The following SYNE1 variants were observed in gnomAD, a reference collection of about 807,000 sequenced individuals.
The protein encoded by SYNE1 is nesprin-1.
In SYNE1, 616 loss-of-function variants were observed where a neutral mutation model predicts 1,111.0. The observed-to-expected ratio is 0.55, with a 90% CI of 0.52 to 0.59. The LOEUF (loss-of-function observed/expected upper bound fraction) is 0.59, where lower values mean the gene tolerates loss of function less well. SYNE1 is among the 20% of genes least tolerant of loss of function. The pLI is 0.00. For synonymous variants in SYNE1, 3,855 were observed against 3,825.8 expected (o/e 1.01, Z -0.28); for missense variants, 10,006 against 10,417.0 (o/e 0.96, Z 1.72).
At chr6:152,455,832 C>A in intron 23 of SYNE1, 54 bp downstream of exon 23, 2 of 1,612,266 alleles carry the variant, frequency 1.2e-6, no homozygotes, top group East Asian at 2.2e-5. Context: ...GGTTTCTTGT[C>A]CTCACTCTGC....
chr6:152,546,956 TAAAAGAAAAG>T (rs542226834), intron 3 of SYNE1: 3 of 151,694 alleles, frequency 2.0e-5, no homozygotes, highest in Non-Finnish European at 4.4e-5. Context: ...AAAATACAGC[TAAAAGAAAAG>T]AAAAGAAAAG....
chr6:152,449,585 T>C lies in SYNE1; in HGVS notation c.3452A>G (p.Lys1151Arg). Residue 1151 changes from lysine to arginine, a missense_variant, in exon 28 of 146, where the codon AAG becomes AGG. Physicochemically the swap from Lys to Arg is conservative, Grantham distance 26 (BLOSUM62 2). This residue lies in a region of SYNE1 where 1,971 missense variants were observed against 2,084.1 expected (regional missense o/e 0.95). Coordinates refer to ENST00000367255, the MANE Select transcript of SYNE1 (RefSeq NM_182961.4). Reference protein sequence around the residue: ...STNETQLKGIKGEAIDTANHG... With the variant: ...STNETQLKGIRGEAIDTANHG... ...GTTGGCAGTATCGATGGCCTCACCC[T>C]TGATCCCCTTTAATTGTGTCTCATT... 1 of 1,614,166 alleles carries C rather than the reference T, an allele frequency of 6.2e-7. No individual in the cohort carries two copies.
chr6:152,215,144 T>C, intron 121 of SYNE1, 84 bp from the exon 122 acceptor site: 1 of 1,501,816 alleles, frequency 6.7e-7, no homozygotes, highest in East Asian at 2.3e-5. Context: ...ATTTCTGATT[T>C]CAGGAAGTAG....
At chr6:152,502,597 A>T (rs1279294152) in intron 10 of SYNE1, 36 bp downstream of exon 10, 1 of 1,459,792 alleles carries the variant, frequency 6.9e-7, no homozygotes, top group South Asian at 1.1e-5. Context: ...CTGTCATTGC[A>T]TATACCAGTG....
chr6:152,279,762 A>G (rs2153716902), intron 97 of SYNE1, among the ~76,000 whole-genome samples: 1 of 151,808 alleles, frequency 6.6e-6, no homozygotes, highest in South Asian at 2.1e-4. Flanking sequence ...CCAAAAAACT[A>G]GAACTAAGTA....
intron 3 of SYNE1, among the ~76,000 whole-genome samples, chr6:152,597,000 A>G (rs1325352123): frequency 6.6e-6 from 1 of 152,186 alleles, no homozygotes; most frequent in African/African-American, 2.4e-5. Context: ...TGGTAGACAA[A>G]ATAAAATTCA....
At chr6:152,368,775 C>G (rs1202858282) in intron 61 of SYNE1, 197 bp downstream of exon 61, 2 of 662,390 alleles carry the variant, frequency 3.0e-6, no homozygotes, top group Non-Finnish European at 5.3e-6. Flanking sequence ...TTTCAGAGAG[C>G]CACATCAAGC....
At chr6:152,207,860 GT>G in intron 125 of SYNE1, 111 bp downstream of exon 125, 1 of 973,296 alleles carries the variant, frequency 1.0e-6, no homozygotes, top group Non-Finnish European at 1.6e-6. Context: ...TGAGAACAAT[GT>G]TTGTCCCAGC....
rs987149150 is a variant in SYNE1 at position 152,302,217 on chromosome 6, C to G, written c.17347-154G>C. On this transcript the variant is annotated intron_variant, in intron 91 of 145. Coordinates refer to ENST00000367255, the MANE Select transcript of SYNE1 (RefSeq NM_182961.4). ...GTAGGCGGCGAGTCCTCCTGCATCT[C>G]GCTACCGAGCCAGACCGCAGGCTGC... 3.0e-6 allele frequency: 3 copies of G among 994,488 alleles called. No individual in the cohort carries two copies. In the Admixed American group the frequency reaches 6.0e-5, roughly 20 times the overall value. The allele number at this position is 994,488 out of a possible 1,614,324, so 61.6% of individuals were successfully genotyped here. A position where few individuals can be genotyped will look rare whatever the true frequency, so the allele number is the denominator to read the frequency against.
At chr6:152,349,457 C>T (rs865785240) in intron 72 of SYNE1, among the ~76,000 whole-genome samples, 1 of 152,186 alleles carries the variant, frequency 6.6e-6, no homozygotes, top group South Asian at 2.1e-4. Context: ...AGTTGTCTCT[C>T]CAGGAAGGGG....
At chr6:152,193,599 T>A (rs920739577) in intron 127 of SYNE1, among the ~76,000 whole-genome samples, 1 of 152,192 alleles carries the variant, frequency 6.6e-6, no homozygotes, top group Non-Finnish European at 1.5e-5. Context: ...AATACAGGTG[T>A]GAGCCACCAT....
At chr6:152,518,157 A>G (rs1594512274) in intron 6 of SYNE1, among the ~76,000 whole-genome samples, 1 of 151,158 alleles carries the variant, frequency 6.6e-6, no homozygotes, top group African/African-American at 2.4e-5. Context: ...AGAACTACAC[A>G]CAAATCCTGT....
intron 98 of SYNE1, among the ~76,000 whole-genome samples, chr6:152,273,727 A>G (rs1414256368): frequency 6.6e-6 from 1 of 152,236 alleles, no homozygotes; most frequent in Non-Finnish European, 1.5e-5. Context: ...CAGCAATGCC[A>G]CTTGTAAATT....
At chr6:152,415,868 A>G (rs1046567615) in intron 41 of SYNE1, among the ~76,000 whole-genome samples, 7 of 151,062 alleles carry the variant, frequency 4.6e-5, no homozygotes, top group African/African-American at 1.7e-4. Context: ...AAAGTATCTG[A>G]GACAGGTCTC....
chr6:152,192,409 T>G (rs1420554931), intron 127 of SYNE1, among the ~76,000 whole-genome samples: 1 of 151,502 alleles, frequency 6.6e-6, no homozygotes, highest in Non-Finnish European at 1.5e-5. Context: ...TAATATTTGC[T>G]TTATATACCT....
At chr6:152,172,984 G>T (rs972067575) in intron 130 of SYNE1, among the ~76,000 whole-genome samples, 1 of 152,148 alleles carries the variant, frequency 6.6e-6, no homozygotes, top group African/African-American at 2.4e-5. Flanking sequence ...TAAATATTCT[G>T]TAATTTAAAT....
At chr6:152,452,017 A>C (rs1348187847) in intron 25 of SYNE1, among the ~76,000 whole-genome samples, 1 of 152,056 alleles carries the variant, frequency 6.6e-6, no homozygotes, top group East Asian at 1.9e-4. Flanking sequence ...GAAAAGAAAA[A>C]AAAAAAGAAA....
At chr6:152,194,335 C>A (rs747663829) in intron 127 of SYNE1, among the ~76,000 whole-genome samples, 9 of 152,190 alleles carry the variant, frequency 5.9e-5, no homozygotes, top group Non-Finnish European at 1.0e-4. Flanking sequence ...CTCACTTTCT[C>A]CTGTTCGGTA....
In SYNE1 at chr6:152,255,056, C is replaced by A. The variant is rs2090471817; in HGVS notation, c.19294G>T (p.Glu6432Ter). The change falls in exon 104 of 146, where the codon GAA (glutamate) becomes TAA (stop). Residue 6432 changes from glutamate to a stop codon, truncating the protein, a stop_gained. Coordinates refer to ENST00000367255, the MANE Select transcript of SYNE1 (RefSeq NM_182961.4). LOFTEE classifies it high-confidence loss of function. ...LAKDIKEMSE[E>*]MDKNKNLFSQ... ...AACAAGTTTTTGTTCTTATCCATTT[C>A]TTCAGACATTTCCTTAATGTCTTTG... 1 of 1,607,520 alleles carries A rather than the reference C, an allele frequency of 6.2e-7. No homozygotes were observed. Among genetic ancestry groups the A allele is most frequent in the Admixed American group, 1.7e-5 (1 of 59,394 alleles).
Sources: gnomAD v4.1 joint callset for allele counts (sites outside exome capture counted in the v4.1 genomes callset) on GRCh38, gnomAD v4.1.1 for gene constraint, gnomAD v4.1.1 regional missense constraint, MANE v1.5 for transcripts, NCBI Gene and HGNC (gene_info 2026-07-23, HGNC 2026-07-21) for gene names.